The following TRPM7 variants were observed in gnomAD, a reference collection of about 807,000 sequenced individuals.
TRPM7 encodes the protein LTRPC ion channel family member 7.
A neutral mutation model predicts 229.7 loss-of-function variants in TRPM7; 134 were observed. The ratio of observed to expected loss-of-function variants is 0.58; its 90% CI spans 0.51 to 0.67. The LOEUF is 0.67. Ranked by LOEUF, TRPM7 falls within the 30% of genes least tolerant of loss-of-function variation. TRPM7 has a pLI of 0.00. For synonymous variants in TRPM7, 699 were observed against 715.2 expected (o/e 0.98, Z 0.36); for missense variants, 1,901 against 2,210.0 (o/e 0.86, Z 2.80).
intron 1 of TRPM7, 42 bp downstream of exon 1, chr15:50,686,489 C>A (rs2062363593): frequency 1.2e-6 from 2 of 1,613,996 alleles, no homozygotes; most frequent in African/African-American, 1.3e-5. Context: ...CCGCCCGCAA[C>A]CCCAGAACCA....
chr15:50,686,753 A>T lies in TRPM7; in HGVS notation c.-220T>A, dbSNP rs2062368772. On this transcript the variant is annotated 5_prime_UTR_variant, in exon 1 of 39. Coordinates refer to ENST00000646667, the MANE Select transcript of TRPM7 (RefSeq NM_017672.6). The stretch of plus-strand genomic sequence containing the variant: ...CCAACTCCTCCGGGTGACTGGCCAC[A>T]GGGACGCGCCCGCGCCCGCCTCCGC... 1 of 540,684 alleles carries T rather than the reference A, an allele frequency of 1.8e-6. No homozygotes were observed. The highest frequency in any genetic ancestry group is 2.0e-5 in the African/African-American group (1 of 49,770). 33.5% of individuals were successfully genotyped at this position (540,684 alleles called of 1,614,324 possible). A position where few individuals can be genotyped will look rare whatever the true frequency, so the allele number is the denominator to read the frequency against.
chr15:50,674,368 G>C (rs994443866), intron 1 of TRPM7, among the ~76,000 whole-genome samples: 3 of 152,242 alleles, frequency 2.0e-5, no homozygotes, highest in African/African-American at 7.2e-5. Flanking sequence ...CTGATCTCAG[G>C]TGATCCACCC....
intron 5 of TRPM7, 55 bp downstream of exon 5, chr15:50,643,285 C>T: frequency 2.1e-6 from 3 of 1,413,950 alleles, no homozygotes; most frequent in South Asian, 1.2e-5. Flanking sequence ...GAGAGTCCGT[C>T]TCAAAAAAAA....
At chr15:50,590,420 C>T (rs1038956626) in intron 26 of TRPM7, among the ~76,000 whole-genome samples, 3 of 152,108 alleles carry the variant, frequency 2.0e-5, no homozygotes, top group Admixed American at 1.3e-4. Context: ...CTGTTCCACA[C>T]ATAGAGATTG....
intron 7 of TRPM7, among the ~76,000 whole-genome samples, chr15:50,636,159 G>A (rs1487835852): frequency 6.6e-6 from 1 of 150,530 alleles, no homozygotes; most frequent in African/African-American, 2.4e-5. Context: ...AAAAAAAAAG[G>A]TATCTGTAGG....
chr15:50,606,846 G>A (rs1566995044), intron 20 of TRPM7, among the ~76,000 whole-genome samples: 1 of 152,100 alleles, frequency 6.6e-6, no homozygotes, highest in African/African-American at 2.4e-5. Flanking sequence ...AATCAGGTAG[G>A]TAAATTAAAA....
At chr15:50,627,573 G>A (rs1480938714) in intron 11 of TRPM7, among the ~76,000 whole-genome samples, 1 of 152,146 alleles carries the variant, frequency 6.6e-6, no homozygotes, top group Admixed American at 6.5e-5. Flanking sequence ...TGAATAAATG[G>A]AATGTGATTC....
At chr15:50,589,319 CAAAAAAAAAA>C (rs34653276) in intron 27 of TRPM7, among the ~76,000 whole-genome samples, 9 of 81,616 alleles carry the variant, frequency 1.1e-4, no homozygotes, top group African/African-American at 3.6e-4. Flanking sequence ...GACTCCGTCT[CAAAAAAAAAA>C]AAAAAAAAAA....
intron 1 of TRPM7, among the ~76,000 whole-genome samples, chr15:50,677,596 G>A (rs1596350556): frequency 1.3e-5 from 2 of 151,718 alleles, no homozygotes; most frequent in African/African-American, 4.8e-5. Context: ...AAAATTAGCC[G>A]GGTGTGGTGT....
intron 29 of TRPM7, 107 bp downstream of exon 29, chr15:50,582,982 T>A: frequency 1.3e-6 from 1 of 778,032 alleles, no homozygotes; most frequent in South Asian, 3.5e-5. Context: ...TAAGAAAAAT[T>A]TTTTTGAATT....
At chr15:50,596,686 G>A (rs921776785) in intron 22 of TRPM7, among the ~76,000 whole-genome samples, 2 of 152,128 alleles carry the variant, frequency 1.3e-5, no homozygotes, top group Non-Finnish European at 1.5e-5. Flanking sequence ...TTAACCTGAC[G>A]AGCACTAAAG....
In TRPM7 at chr15:50,592,643, A is replaced by C. The variant is rs1408310355; in HGVS notation, c.3609-17T>G. ...TGTTCCACTCTGTAGGAGAGAAATA[A>C]GCTTTTTTTACAAATGTGAAAAAAT... On this transcript the variant is annotated splice_polypyrimidine_tract_variant and intron_variant, in intron 25 of 38. Transcript: ENST00000646667. 1 of 1,468,698 alleles carries C rather than the reference A, an allele frequency of 6.8e-7. No homozygotes were observed. Among genetic ancestry groups the C allele is most frequent in the South Asian group, 1.3e-5 (1 of 74,804 alleles). The allele number at this position is 1,468,698 out of a possible 1,614,324, so 91.0% of individuals were successfully genotyped here.
intron 38 of TRPM7, among the ~76,000 whole-genome samples, chr15:50,568,822 C>A (rs938597573): frequency 5.3e-5 from 8 of 151,424 alleles, no homozygotes; most frequent in East Asian, 1.9e-4. Context: ...AAAAAAAAAA[C>A]CAAAACAACA....
intron 29 of TRPM7, 45 bp downstream of exon 29, chr15:50,583,044 T>C (rs1441024831): frequency 1.5e-6 from 2 of 1,334,618 alleles, no homozygotes; most frequent in Non-Finnish European, 1.0e-6. Context: ...TAAAAAAGTT[T>C]AATGTATTTA....
intron 4 of TRPM7, among the ~76,000 whole-genome samples, chr15:50,644,545 G>A (rs1485115572): frequency 1.3e-5 from 2 of 152,190 alleles, no homozygotes; most frequent in Non-Finnish European, 1.5e-5. Flanking sequence ...GCTCACGCCT[G>A]TAATCCCAGC....
At chr15:50,594,396 A>G in intron 24 of TRPM7, 33 bp downstream of exon 24, 1 of 1,526,928 alleles carries the variant, frequency 6.5e-7, no homozygotes, top group Non-Finnish European at 8.9e-7. Context: ...AAGTGATAAA[A>G]TGAAAACATT....
intron 30 of TRPM7, among the ~76,000 whole-genome samples, chr15:50,579,122 A>C (rs1290114949): frequency 6.6e-6 from 1 of 152,186 alleles, no homozygotes; most frequent in Non-Finnish European, 1.5e-5. Flanking sequence ...AATGTTGAAA[A>C]ATATTTCTCC....
intron 28 of TRPM7, among the ~76,000 whole-genome samples, chr15:50,585,991 G>A (rs2059332740): frequency 6.8e-6 from 1 of 147,172 alleles, no homozygotes; most frequent in African/African-American, 2.4e-5. Flanking sequence ...GGAACAGAGT[G>A]AGAGAGAAAA....
intron 1 of TRPM7, among the ~76,000 whole-genome samples, chr15:50,666,206 C>T (rs112308275): frequency 0.023 from 3,441 of 151,952 alleles, 121 homozygotes; most frequent in African/African-American, 0.078. Context: ...GAACAAGAAG[C>T]CAGGCAGATC....
Sources: gnomAD v4.1 joint callset for allele counts (sites outside exome capture counted in the v4.1 genomes callset) on GRCh38, gnomAD v4.1.1 for gene constraint, MANE v1.5 for transcripts, NCBI Gene and HGNC (gene_info 2026-07-23, HGNC 2026-07-21) for gene names.